Variants in UBR1 observed in about 807,000 individuals in gnomAD.
UBR1 encodes E3 ubiquitin-protein ligase UBR1.
Under a neutral mutation model 242.1 loss-of-function variants are expected in UBR1, and 102 were observed. That is an observed-to-expected ratio of 0.42 (90% CI 0.36 to 0.50). UBR1 has a LOEUF of 0.50. Among genes scored for constraint, UBR1 ranks in the 20% least tolerant of loss-of-function variants. The pLI is 0.01. For synonymous variants in UBR1, 675 were observed against 684.8 expected (o/e 0.99, Z 0.22); for missense variants, 1,772 against 2,101.8 (o/e 0.84, Z 3.07).
At chr15:43,038,286 T>A in intron 15 of UBR1, 54 bp from the exon 16 acceptor site, 1 of 1,542,860 alleles carries the variant, frequency 6.5e-7, no homozygotes, top group South Asian at 1.1e-5. Context: ...ATTTGTTAAC[T>A]AGTTAACTCA....
chr15:43,013,388 T>C (rs1330890980), intron 29 of UBR1, among the ~76,000 whole-genome samples: 1 of 152,224 alleles, frequency 6.6e-6, no homozygotes, highest in African/African-American at 2.4e-5. Flanking sequence ...TCTAAGAGCA[T>C]ACCACAGTCA....
intron 29 of UBR1, among the ~76,000 whole-genome samples, chr15:43,009,932 G>A (rs941534547): frequency 7.9e-5 from 12 of 152,168 alleles, no homozygotes; most frequent in East Asian, 3.9e-4. Flanking sequence ...GTGCAGTGGC[G>A]CGATCTCGGC....
intron 30 of UBR1, among the ~76,000 whole-genome samples, chr15:43,005,365 C>T (rs1213906658): frequency 1.3e-5 from 2 of 149,940 alleles, no homozygotes; most frequent in African/African-American, 5.0e-5. Flanking sequence ...CCGCCCCATC[C>T]GGGAGGGAGG....
At chr15:43,013,848 G>A (rs1407821850) in intron 29 of UBR1, among the ~76,000 whole-genome samples, 1 of 152,156 alleles carries the variant, frequency 6.6e-6, no homozygotes, top group African/African-American at 2.4e-5. Flanking sequence ...CAAAAATTGA[G>A]TTGGCCTCTC....
chr15:42,962,052 T>A (rs896143331), intron 42 of UBR1, among the ~76,000 whole-genome samples: 1 of 151,932 alleles, frequency 6.6e-6, no homozygotes, highest in African/African-American at 2.4e-5. Flanking sequence ...CAACCTTATA[T>A]TTAACTTATT....
chr15:42,990,329 A>G (rs2032535565), intron 33 of UBR1, among the ~76,000 whole-genome samples: 1 of 152,112 alleles, frequency 6.6e-6, no homozygotes, highest in African/African-American at 2.4e-5. Context: ...ATGTGCCACC[A>G]TGCCTGCCTA....
In UBR1 at chr15:43,070,829, C is replaced by G; in HGVS notation, c.625G>C (p.Glu209Gln). The change falls in exon 5 of 47, where the codon GAG (glutamate) becomes CAG (glutamine). Residue 209 changes from glutamate (E) to glutamine (Q), a missense_variant. By Grantham distance (29) the Glu-to-Gln change is conservative (BLOSUM62 2). Coordinates refer to ENST00000290650, the MANE Select transcript of UBR1 (RefSeq NM_174916.3). The part of the protein sequence containing the change: ...KYVVEMTIWE[E>Q]EKELPPELQI... ...AGTTCAGGAGGCAGTTCTTTTTCCT[C>G]TTCCCATATAGTCATTTCTACGACA... The G allele has an allele frequency of 6.2e-7, 1 of 1,613,732 alleles. No individual in the cohort carries two copies. The highest frequency in any genetic ancestry group is 8.5e-7 in the Non-Finnish European group (1 of 1,179,976).
chr15:43,036,389 C>T (rs2033335575), intron 18 of UBR1, 110 bp from the exon 19 acceptor site: 1 of 1,191,908 alleles, frequency 8.4e-7, no homozygotes, highest in African/African-American at 1.5e-5. Flanking sequence ...TGTAGTAGTC[C>T]CTTCTATTTC....
rs199828697 is a variant in UBR1, at chr15:42,970,561, G to A, written c.4416C>T (p.Ser1472=). Residue 1472 remains serine (S), a synonymous_variant, in exon 40 of 47, where the codon TCC becomes TCT. Transcript: ENST00000290650. The part of the protein sequence containing the change: ...QVQEDSEEAH[S]ASSFFAEISQ... ...AAATTTCTGCAAAGAAAGAAGATGC[G>A]GAATGAGCCTCTTCACTGTCTTCTT... 138 of 1,613,694 alleles carry A rather than the reference G, an allele frequency of 8.6e-5. 1 individual carries two copies. The highest frequency in any genetic ancestry group is 1.4e-4 in the South Asian group (13 of 91,078).
intron 36 of UBR1, 88 bp from the exon 37 acceptor site, chr15:42,984,081 T>TTA: frequency 1.1e-6 from 1 of 946,846 alleles, no homozygotes; most frequent in South Asian, 1.5e-5. Flanking sequence ...AAACCAACTC[T>TTA]AGTTTGTCGG....
intron 6 of UBR1, among the ~76,000 whole-genome samples, chr15:43,063,486 A>G (rs147869842): frequency 2.1e-3 from 315 of 152,238 alleles, no homozygotes; most frequent in South Asian, 3.9e-3. Context: ...CTGCAATATT[A>G]ACCTTGTACA....
chr15:43,017,199 A>G lies in UBR1; in HGVS notation c.2941-18T>C, dbSNP rs750856141. On this transcript the variant is annotated intron_variant, in intron 27 of 46. Transcript: ENST00000290650. ...TCAAACATCTGTGAAAAACAGATGAAACGTTAAAAGAGTTAGTTAGACTGT... is the reference window on the plus strand; with the variant it reads ...TCAAACATCTGTGAAAAACAGATGAGACGTTAAAAGAGTTAGTTAGACTGT... 11 of 1,583,760 alleles carry G rather than the reference A, an allele frequency of 6.9e-6. No homozygotes were observed. The African/African-American group carries it at 1.5e-4, about 21-fold the overall frequency.
Position 43,036,299 on chromosome 15 carries a change from T to C in UBR1, c.2089-20A>G. On this transcript the variant is annotated intron_variant, in intron 18 of 46. Coordinates refer to ENST00000290650, the MANE Select transcript of UBR1 (RefSeq NM_174916.3). ...ACCAATCTGTGAAAGAAATCCAGCATCATATTTCTTCTGTATTATATGGAG... is the reference window on the plus strand; with the variant it reads ...ACCAATCTGTGAAAGAAATCCAGCACCATATTTCTTCTGTATTATATGGAG... 6.3e-7 allele frequency: 1 copy of C among 1,583,396 alleles called. No individual in the cohort carries two copies. Among genetic ancestry groups the C allele is most frequent in the Non-Finnish European group, 8.7e-7 (1 of 1,152,306 alleles).
rs58586323 is a variant in UBR1 at position 43,091,906 on chromosome 15, CAAAAAAAAAAAAAAAA to C, written c.82-5682_82-5667del. ...GAGATCATGCCACTGTACACCATCT[CAAAAAAAAAAAAAAAA>C]AAAAAAAAAAAAAATTAGCCAGATG... On this transcript the variant is annotated intron_variant, in intron 1 of 46. Transcript: ENST00000290650. 500 of 180,352 alleles carry C rather than the reference CAAAAAAAAAAAAAAAA, an allele frequency of 2.8e-3. 6 individuals carry two copies. In the African/African-American group the frequency reaches 0.041, roughly 15 times the overall value. 11.2% of individuals were successfully genotyped at this position (180,352 alleles called of 1,614,324 possible).
intron 29 of UBR1, among the ~76,000 whole-genome samples, chr15:43,014,239 C>T (rs1451873370): frequency 1.3e-5 from 2 of 152,254 alleles, no homozygotes; most frequent in African/African-American, 4.8e-5. Flanking sequence ...CTACAACCTC[C>T]ACCTCCCAGC....
intron 12 of UBR1, among the ~76,000 whole-genome samples, chr15:43,049,201 C>T (rs2033522159): frequency 6.6e-6 from 1 of 152,136 alleles, no homozygotes; most frequent in African/African-American, 2.4e-5. Context: ...CACACCTGTC[C>T]TGAAGTTCAT....
intron 1 of UBR1, 62 bp from the exon 2 acceptor site, chr15:43,086,302 C>A: frequency 6.4e-7 from 1 of 1,568,482 alleles, no homozygotes; most frequent in Admixed American, 1.7e-5. Context: ...CATCTAGGGG[C>A]ACAAATAATG....
intron 44 of UBR1, 78 bp from the exon 45 acceptor site, chr15:42,952,526 A>G: frequency 6.5e-7 from 1 of 1,530,454 alleles, no homozygotes; most frequent in Admixed American, 1.7e-5. Context: ...CCTGTTAGCA[A>G]TCAAGCATGT....
rs145216577 is a variant in UBR1, at chr15:42,945,332, C to T, written c.5247G>A (p.Leu1749=). The part of the protein sequence containing the change: ...QMLFGFNWQL[L] ...TGTCTTGAGGCAGAGTTGGAGCTCA[C>T]AGTAACTGCCAGTTGAATCCAAATA... The change falls in exon 47 of 47, where the codon CTG becomes CTA. Residue 1749 remains leucine, a synonymous_variant. Transcript: ENST00000290650. The T allele has an allele frequency of 8.1e-6, 13 of 1,614,062 alleles. No individual in the cohort carries two copies. Among genetic ancestry groups the T allele is most frequent in the South Asian group, 1.1e-5 (1 of 91,090 alleles).
Sources: gnomAD v4.1 joint callset for allele counts (sites outside exome capture counted in the v4.1 genomes callset) on GRCh38, gnomAD v4.1.1 for gene constraint, MANE v1.5 for transcripts, NCBI Gene and HGNC (gene_info 2026-07-23, HGNC 2026-07-21) for gene names.